Variants in AFG3L2 observed in about 807,000 individuals in gnomAD.
The protein encoded by AFG3L2 is AFG3 like matrix AAA peptidase subunit 2.
In AFG3L2, 54 loss-of-function variants were observed where a neutral mutation model predicts 94.5. The observed-to-expected ratio is 0.57, with a 90% CI of 0.46 to 0.72. AFG3L2 has a LOEUF of 0.72. AFG3L2 is among the 30% of genes least tolerant of loss of function. The pLI is 0.00. For synonymous variants in AFG3L2, 377 were observed against 365.5 expected (o/e 1.03, Z -0.36); for missense variants, 754 against 994.9 (o/e 0.76, Z 3.26).
intron 9 of AFG3L2, among the ~76,000 whole-genome samples, chr18:12,354,680 C>A (rs1251147278): frequency 6.6e-6 from 1 of 152,124 alleles, no homozygotes; most frequent in Non-Finnish European, 1.5e-5. Context: ...CTCTGAGCAC[C>A]CCCTCCTATC....
chr18:12,337,359 C>T lies in AFG3L2; in HGVS notation c.2157G>A (p.Lys719=). 1 of 1,614,136 alleles carries T rather than the reference C, an allele frequency of 6.2e-7. No homozygotes were observed. The highest frequency in any genetic ancestry group is 1.7e-5 in the Admixed American group (1 of 60,018). ...YKRTVALLTE[K]KADVEKVALL... is the part of the protein sequence containing the mutation. ...CACCTACCTTCTCCACGTCAGCTTTCTTTTCTGTGAGAAGAGCTACTGTTC... is the reference window on the plus strand; with the variant it reads ...CACCTACCTTCTCCACGTCAGCTTTTTTTTCTGTGAGAAGAGCTACTGTTC... Residue 719 remains lysine (K), a synonymous_variant, in exon 16 of 17, where the codon AAG becomes AAA. Transcript: ENST00000269143.
chr18:12,375,691 G>C (rs2143248975), intron 1 of AFG3L2, among the ~76,000 whole-genome samples: 1 of 152,266 alleles, frequency 6.6e-6, no homozygotes, highest in East Asian at 1.9e-4. Flanking sequence ...GACTACAGGC[G>C]CCCGCCACCA....
intron 16 of AFG3L2, 160 bp downstream of exon 16, chr18:12,337,181 T>C (rs1177732120): frequency 1.4e-6 from 1 of 712,090 alleles, no homozygotes; most frequent in Non-Finnish European, 2.5e-6. Flanking sequence ...AACCCCCGCT[T>C]GAAGACAGAG....
Position 12,377,193 on chromosome 18 carries a change from G to C in AFG3L2, c.-111C>G, listed in dbSNP as rs977734467. ...CGGGGAAAGGCCGCCAGGCAGCGAA[G>C]CGCGCCGGCGGCTCACGGAGGAGCC... is the stretch of plus-strand genomic sequence containing the variant. On this transcript the variant is annotated 5_prime_UTR_variant, in exon 1 of 17. Coordinates refer to ENST00000269143, the MANE Select transcript of AFG3L2 (RefSeq NM_006796.3). 3.6e-6 allele frequency: 3 copies of C among 842,076 alleles called. No homozygotes were observed. In the African/African-American group the frequency reaches 5.5e-5, roughly 15 times the overall value. The allele number at this position is 842,076 out of a possible 1,614,324, so 52.2% of individuals were successfully genotyped here.
At chr18:12,335,793 C>CT (rs1269472781) in intron 16 of AFG3L2, among the ~76,000 whole-genome samples, 1 of 152,204 alleles carries the variant, frequency 6.6e-6, no homozygotes, top group Non-Finnish European at 1.5e-5. Flanking sequence ...CCATGCTGGC[C>CT]TTTTCTTCCT....
chr18:12,356,442 G>A lies in AFG3L2; in HGVS notation c.1164+252C>T, dbSNP rs115920029. Among the ~76,000 whole-genome samples, 3,207 of 152,298 alleles carry A rather than the reference G, an allele frequency of 0.021. 116 individuals carry two copies. The highest frequency in any genetic ancestry group is 0.073 in the African/African-American group (3,046 of 41,556). On this transcript the variant is annotated intron_variant, in intron 9 of 16. Coordinates refer to ENST00000269143, the MANE Select transcript of AFG3L2 (RefSeq NM_006796.3). Reference sequence around the variant, plus strand: ...GCTGGAATTACAGGCATGAGCCACCGCGCCCAGCCGTCAATTCTTTAAATT... The same window carrying A: ...GCTGGAATTACAGGCATGAGCCACCACGCCCAGCCGTCAATTCTTTAAATT...
chr18:12,355,089 G>C (rs181413245), intron 9 of AFG3L2, among the ~76,000 whole-genome samples: 91 of 151,958 alleles, frequency 6.0e-4, no homozygotes, highest in African/African-American at 1.3e-3. Flanking sequence ...ATGGTGGTGG[G>C]TGCCTGCAAT....
Position 12,353,027 on chromosome 18 carries a change from G to A in AFG3L2, c.1296C>T (p.Asn432=), listed in dbSNP as rs2143171228. ...CACCATCCATCTCCACCAGCAGCTGGTTGAGTGTGTTCTCCTGCTCACTCT... is the reference window on the plus strand; with the variant it reads ...CACCATCCATCTCCACCAGCAGCTGATTGAGTGTGTTCTCCTGCTCACTCT... ...GGQSEQENTL[N]QLLVEMDGFN... is the part of the protein sequence containing the mutation. The change falls in exon 10 of 17, where the codon AAC becomes AAT. Residue 432 remains asparagine (N), a synonymous_variant. Coordinates refer to ENST00000269143, the MANE Select transcript of AFG3L2 (RefSeq NM_006796.3). 4 of 1,613,740 alleles carry A rather than the reference G, an allele frequency of 2.5e-6. 1 individual carries two copies. The South Asian group carries it at 4.4e-5, about 18-fold the overall frequency.
intron 13 of AFG3L2, 109 bp from the exon 14 acceptor site, chr18:12,344,356 C>A: frequency 1.1e-6 from 1 of 884,640 alleles, no homozygotes; most frequent in Non-Finnish European, 1.8e-6. Flanking sequence ...GGTTTGGAGA[C>A]TGAGCTGCCT....
chr18:12,351,552 T>TG lies in AFG3L2; in HGVS notation c.1319-140_1319-139insC, dbSNP rs1386919095. 2.0e-4 allele frequency: 161 copies of TG among 800,702 alleles called. No individual in the cohort carries two copies. In the African/African-American group the frequency reaches 2.3e-3, roughly 11 times the overall value. 49.6% of individuals were successfully genotyped at this position (800,702 alleles called of 1,614,324 possible). ...TATTCATTATCTAGTGTTTTTTGTT[T>TG]TTTTTTTTTTTGAGACGGAGTTTCA... On this transcript the variant is annotated intron_variant, in intron 10 of 16. Transcript: ENST00000269143.
In AFG3L2 at chr18:12,332,969, T is replaced by TATATACTATA. The variant is rs1568131932; in HGVS notation, c.2176-3187_2176-3186insTATAGTATAT. On this transcript the variant is annotated intron_variant, in intron 16 of 16. Transcript: ENST00000269143. ...TAATATATTATATACTATAATATAT[T>TATATACTATA]ATATATTATATAAATATATTATATA... Among the ~76,000 whole-genome samples, 77 of 28,262 alleles carry TATATACTATA rather than the reference T, an allele frequency of 2.7e-3. 1 individual carries two copies. The highest frequency in any genetic ancestry group is 5.4e-3 in the African/African-American group (67 of 12,312). 18.5% of individuals were successfully genotyped at this position (28,262 alleles called of 152,430 possible).
chr18:12,333,899 G>A lies in AFG3L2; in HGVS notation c.2175+3442C>T, dbSNP rs547675164. On this transcript the variant is annotated intron_variant, in intron 16 of 16. Coordinates refer to ENST00000269143, the MANE Select transcript of AFG3L2 (RefSeq NM_006796.3). ...AGGACACCTGGGTCAGACCCTGGCT[G>A]TGCTGCTTACCCACTGTATGACCCT... 4.5e-4 allele frequency among the ~76,000 whole-genome samples: 69 copies of A among 152,336 alleles called. 1 individual carries two copies. The Middle Eastern group carries it at 0.01, about 23-fold the overall frequency.
intron 6 of AFG3L2, among the ~76,000 whole-genome samples, chr18:12,360,845 C>T (rs1908638060): frequency 6.6e-6 from 1 of 152,208 alleles, no homozygotes; most frequent in South Asian, 2.1e-4. Context: ...CCCAGACAGT[C>T]TGGCTCCTGA....
intron 16 of AFG3L2, among the ~76,000 whole-genome samples, chr18:12,334,065 G>C (rs530505696): frequency 2.0e-5 from 3 of 152,322 alleles, no homozygotes; most frequent in African/African-American, 7.2e-5. Flanking sequence ...ACAGGTGTTG[G>C]GTGAATGCTG....
intron 16 of AFG3L2, among the ~76,000 whole-genome samples, chr18:12,331,040 TAAC>T: frequency 6.6e-6 from 1 of 152,252 alleles, no homozygotes; most frequent in East Asian, 1.9e-4. Flanking sequence ...CATGCACTGC[TAAC>T]AACGTTTCAG....
intron 9 of AFG3L2, 50 bp from the exon 10 acceptor site, chr18:12,353,208 C>G: frequency 6.2e-7 from 1 of 1,606,690 alleles, no homozygotes; most frequent in Non-Finnish European, 8.5e-7. Context: ...ATTATGTATT[C>G]TCTGAATAAG....
intron 9 of AFG3L2, among the ~76,000 whole-genome samples, chr18:12,354,136 C>CCCT (rs1568140630): frequency 8.0e-6 from 1 of 125,452 alleles, no homozygotes; most frequent in South Asian, 3.0e-4. Flanking sequence ...ACTCCCACCC[C>CCCT]CCCCCCCCCA....
At chr18:12,360,995 C>T (rs1908642550) in intron 6 of AFG3L2, among the ~76,000 whole-genome samples, 1 of 152,126 alleles carries the variant, frequency 6.6e-6, no homozygotes, top group African/African-American at 2.4e-5. Context: ...TTTTATAGTA[C>T]AAAAAAACTT....
rs562936938 is a variant in AFG3L2, at chr18:12,338,022, G to A, written c.1981-487C>T. Among the ~76,000 whole-genome samples, 33 of 152,146 alleles carry A rather than the reference G, an allele frequency of 2.2e-4. 1 individual carries two copies. The East Asian group carries it at 5.6e-3, about 26-fold the overall frequency. ...TGACCTCAGGTGATCTGCCCGCTTC[G>A]GCCTCCCAAAGTGCTGGGATTACGG... On this transcript the variant is annotated intron_variant, in intron 15 of 16. Transcript: ENST00000269143.
Sources: gnomAD v4.1 joint callset for allele counts (sites outside exome capture counted in the v4.1 genomes callset) on GRCh38, gnomAD v4.1.1 for gene constraint, MANE v1.5 for transcripts, NCBI Gene and HGNC (gene_info 2026-07-23, HGNC 2026-07-21) for gene names.